DYNC2H1: variants seen among roughly 807,000 people sequenced by gnomAD.
The protein encoded by DYNC2H1 is cytoplasmic dynein 2 heavy chain 1.
Under a neutral mutation model 570.0 loss-of-function variants are expected in DYNC2H1, and 410 were observed. The ratio of observed to expected loss-of-function variants is 0.72; its 90% confidence interval spans 0.66 to 0.78. DYNC2H1 has a LOEUF of 0.78. Ranked by LOEUF, DYNC2H1 falls within the 30% of genes least tolerant of loss-of-function variation. The probability of loss-of-function intolerance (pLI) is 0.00; values close to 1 mark genes in which losing one functional copy is unlikely to be tolerated. For synonymous variants in DYNC2H1, 1,688 were observed against 1,677.6 expected, an observed-to-expected ratio of 1.01 and a Z score of -0.15; for missense variants, 4,865 against 5,046.4, an observed-to-expected ratio of 0.96 and a Z score of 1.09.
chr11:103,169,982 T>C (rs1861502886), intron 32 of DYNC2H1, 126 bp from the exon 33 acceptor site: 1 of 881,556 alleles, frequency 1.1e-6, no homozygotes, highest in South Asian at 3.0e-5. Flanking sequence ...TGGATATTTT[T>C]CTGTGTTAAA....
intron 87 of DYNC2H1, among the ~76,000 whole-genome samples, chr11:103,462,325 G>A (rs1485167119): frequency 6.6e-6 from 1 of 151,842 alleles, no homozygotes; most frequent in Non-Finnish European, 1.5e-5. Flanking sequence ...GTGTGGAGGG[G>A]CAACAAAAAT....
At chr11:103,160,790 G>C (rs1464760478) in intron 28 of DYNC2H1, 142 bp from the exon 29 acceptor site, 3 of 409,526 alleles carry the variant, frequency 7.3e-6, no homozygotes, top group Non-Finnish European at 1.3e-5. Flanking sequence ...AACACTAGGA[G>C]CACTATATAT....
chr11:103,320,338 A>G (rs12290839), intron 80 of DYNC2H1, among the ~76,000 whole-genome samples: 24,969 of 152,108 alleles, frequency 0.16, 2,233 homozygotes, highest in Admixed American at 0.26. Flanking sequence ...GGAGGTGGAC[A>G]AAGCAGTGAG....
At chr11:103,237,886 G>T (rs1462341664) in intron 63 of DYNC2H1, among the ~76,000 whole-genome samples, 2 of 152,078 alleles carry the variant, frequency 1.3e-5, no homozygotes, top group East Asian at 3.9e-4. Flanking sequence ...TGTCTTTCAT[G>T]ATGGATATGG....
intron 87 of DYNC2H1, among the ~76,000 whole-genome samples, chr11:103,466,062 G>A (rs1422785755): frequency 9.9e-5 from 15 of 152,030 alleles, no homozygotes; most frequent in Admixed American, 5.2e-4. Flanking sequence ...TGGCAGTTGA[G>A]ACAGTATGGT....
At chr11:103,457,169 G>A (rs996385301) in intron 87 of DYNC2H1, among the ~76,000 whole-genome samples, 1 of 152,178 alleles carries the variant, frequency 6.6e-6, no homozygotes, top group Non-Finnish European at 1.5e-5. Context: ...AATCTGCGCT[G>A]CCAGTTATAT....
In DYNC2H1 at chr11:103,203,268, G is replaced by A. The variant is rs572065184; in HGVS notation, c.8198-395G>A. 6.6e-6 allele frequency among the ~76,000 whole-genome samples: 1 copy of A among 152,284 alleles called. No individual in the cohort carries two copies. Among genetic ancestry groups the A allele is most frequent in the Admixed American group, 6.5e-5 (1 of 15,280 alleles). On this transcript the variant is annotated intron_variant, in intron 50 of 88. Transcript: ENST00000375735. This position sits in a 1 kb window ranked among gnomAD's most constrained non-coding sequence, Gnocchi z 4.7. ...GAAAGGCTTATGGGCATAGCAGTTA[G>A]GGAAGTAGCATCTTGAAGGATAAGA...
rs752764091 is a variant in DYNC2H1 at position 103,200,130 on chromosome 11, A to G, written c.8173A>G (p.Met2725Val). The G allele has an allele frequency of 1.3e-6, 2 of 1,579,264 alleles. No individual in the cohort carries two copies. Among genetic ancestry groups the G allele is most frequent in the Non-Finnish European group, 1.7e-6 (2 of 1,161,130 alleles). ...YQFVHPTFLE[M>V]INSLLSSGEV... ...GTTTGTACATCCTACATTTTTGGAGATGATCAATAGCCTTTTGTCTTCAGG... is the reference window on the plus strand; with the variant it reads ...GTTTGTACATCCTACATTTTTGGAGGTGATCAATAGCCTTTTGTCTTCAGG... The change falls in exon 50 of 89, where the codon ATG becomes GTG. Residue 2725 changes from methionine (M) to valine (V), a missense_variant. Transcript: ENST00000375735.
At position 103,170,894 on chromosome 11, in the gene DYNC2H1, T is replaced by C; in HGVS notation, c.5160T>C (p.Asp1720=). 1.3e-6 allele frequency: 2 copies of C among 1,533,436 alleles called. No individual in the cohort carries two copies. The highest frequency in any genetic ancestry group is 1.8e-6 in the Non-Finnish European group (2 of 1,132,852). 95.0% of individuals were successfully genotyped at this position (1,533,436 alleles called of 1,614,324 possible). ...VLVFNCDEGI[D]VKSMGRIFVG... is the part of the protein sequence containing the mutation. ...TTATTGTTGTTTTTAAGGGCATCGA[T>C]GTGAAGTCAATGGGACGAATATTTG... is the stretch of plus-strand genomic sequence containing the variant. Residue 1720 remains aspartate, a synonymous_variant, in exon 34 of 89, where the codon GAT becomes GAC. Coordinates refer to ENST00000375735, the MANE Select transcript of DYNC2H1 (RefSeq NM_001377.3). The surrounding 1 kb of genome is among the most constrained non-coding windows in gnomAD (Gnocchi z 4.8).
In DYNC2H1 at chr11:103,177,839, T is replaced by TTA; in HGVS notation, c.6139+20_6139+21insAT. ...CCTCAAGGTTAGTCTCTATGTATAC[T>TTA]TCTTTGCTTTACTTAGTAATTCTTA... On this transcript the variant is annotated intron_variant, in intron 38 of 88. Transcript: ENST00000375735. This position sits in a 1 kb window ranked among gnomAD's most constrained non-coding sequence, Gnocchi z 4.4. 1 of 1,578,032 alleles carries TTA rather than the reference T, an allele frequency of 6.3e-7. No individual in the cohort carries two copies. The highest frequency in any genetic ancestry group is 8.5e-7 in the Non-Finnish European group (1 of 1,169,672).
chr11:103,191,331 G>A (rs528543862), intron 45 of DYNC2H1, among the ~76,000 whole-genome samples, 186 bp from the exon 46 acceptor site: 2 of 152,032 alleles, frequency 1.3e-5, no homozygotes, highest in Non-Finnish European at 2.9e-5. Flanking sequence ...GAGCAACTGC[G>A]CCCGACCAGA....
At position 103,325,517 on chromosome 11, in the gene DYNC2H1, G is replaced by T. The variant is rs1938425529; in HGVS notation, c.12039+1527G>T. On this transcript the variant is annotated intron_variant, in intron 82 of 88. Transcript: ENST00000375735. The surrounding 1 kb of genome is among the most constrained non-coding windows in gnomAD (Gnocchi z 4.8). ...GGACCTTGTCAAAGATCGTCAGATTGTTGTAGGTGTGTAGCTTTATTTCTA... is the reference window on the plus strand; with the variant it reads ...GGACCTTGTCAAAGATCGTCAGATTTTTGTAGGTGTGTAGCTTTATTTCTA... Among the ~76,000 whole-genome samples, 1 of 152,156 alleles carries T rather than the reference G, an allele frequency of 6.6e-6. No homozygotes were observed. Among genetic ancestry groups the T allele is most frequent in the South Asian group, 2.1e-4 (1 of 4,832 alleles).
intron 87 of DYNC2H1, among the ~76,000 whole-genome samples, chr11:103,460,191 G>A (rs1944962670): frequency 6.6e-6 from 1 of 152,002 alleles, no homozygotes; most frequent in Non-Finnish European, 1.5e-5. Context: ...CCTAGCTCAT[G>A]AGAAGTACCT....
intron 28 of DYNC2H1, among the ~76,000 whole-genome samples, chr11:103,159,300 G>C (rs1411173843): frequency 6.6e-6 from 1 of 152,134 alleles, no homozygotes; most frequent in Admixed American, 6.5e-5. Context: ...GCATCATGAA[G>C]TAAGTGACAT....
At chr11:103,341,270 GT>G (rs1396069557) in intron 82 of DYNC2H1, among the ~76,000 whole-genome samples, 2 of 152,150 alleles carry the variant, frequency 1.3e-5, no homozygotes, top group African/African-American at 4.8e-5. Flanking sequence ...CCTAGAATTT[GT>G]TTCCATAAGA....
Position 103,187,387 on chromosome 11 carries a change from C to T in DYNC2H1, c.6941C>T (p.Ala2314Val). Residue 2314 changes from alanine (A) to valine (V), a missense_variant, in exon 43 of 89, where the codon GCT (alanine) becomes GTT (valine). By Grantham distance (64) the Ala-to-Val change is moderately conservative. Transcript: ENST00000375735. The stretch of plus-strand genomic sequence containing the variant: ...TCACAACTCCGGTCCACTCAAATTG[C>T]TACAGTTCACTGTAGTGCACAAACC... The part of the protein sequence containing the change: ...AFSQLRSTQI[A>V]TVHCSAQTTS... 1 of 1,613,162 alleles carries T rather than the reference C, an allele frequency of 6.2e-7. No homozygotes were observed. The highest frequency in any genetic ancestry group is 8.5e-7 in the Non-Finnish European group (1 of 1,179,378).
chr11:103,404,452 G>C (rs1284605816), intron 84 of DYNC2H1: 1 of 150,306 alleles, frequency 6.7e-6, no homozygotes, highest in Non-Finnish European at 1.5e-5. Flanking sequence ...AAAATTATTA[G>C]TATAACTGCT....
In DYNC2H1 at chr11:103,234,031, T is replaced by C; in HGVS notation, c.9441-3T>C. ...TTTTAATTAAATTTTAATGTTTACA[T>C]AGATTTCAGAGCAGGACTTCAGAAG... On this transcript the variant is annotated splice_region_variant and splice_polypyrimidine_tract_variant and intron_variant, in intron 60 of 88. Coordinates refer to ENST00000375735, the MANE Select transcript of DYNC2H1 (RefSeq NM_001377.3). The C allele has an allele frequency of 6.4e-7, 1 of 1,550,738 alleles. No individual in the cohort carries two copies. Among genetic ancestry groups the C allele is most frequent in the African/African-American group, 1.4e-5 (1 of 73,060 alleles).
chr11:103,340,220 C>A (rs947910799), intron 82 of DYNC2H1, among the ~76,000 whole-genome samples: 2 of 152,114 alleles, frequency 1.3e-5, no homozygotes, highest in Non-Finnish European at 2.9e-5. Context: ...GGGATGATTG[C>A]TGGAGGGTTC....
Sources: gnomAD v4.1 joint callset for allele counts (sites outside exome capture counted in the v4.1 genomes callset) on GRCh38, gnomAD v4.1.1 for gene constraint, Gnocchi (gnomAD v3.1) non-coding constraint, MANE v1.5 for transcripts, NCBI Gene and HGNC (gene_info 2026-07-23, HGNC 2026-07-21) for gene names.